The following TSPAN6 variants were observed in gnomAD, a reference collection of about 807,000 sequenced individuals.
TSPAN6 encodes tetraspanin-6.
In TSPAN6, 13 loss-of-function variants were observed where a neutral mutation model predicts 18.0. That is an observed-to-expected ratio of 0.72 (90% confidence interval 0.47 to 1.15). The LOEUF (loss-of-function observed/expected upper bound fraction) is 1.15. Among genes scored for constraint, TSPAN6 ranks in the 50% most tolerant of loss-of-function variants. TSPAN6 has a pLI of 0.00. For missense variants in TSPAN6, 186 were observed against 183.9 expected (o/e 1.01, Z -0.07); for synonymous variants, 82 against 67.0 (o/e 1.22, Z -1.09).
intron 1 of TSPAN6, 37 bp from the exon 2 acceptor site, chrX:100,635,783 C>G: frequency 3.8e-6 from 4 of 1,039,097 alleles, no homozygotes; most frequent in Non-Finnish European, 5.1e-6. Flanking sequence ...CAGTTACGCA[C>G]TGTGTACAGC....
chrX:100,633,616 G>T, intron 4 of TSPAN6, 77 bp from the exon 5 acceptor site: 1 of 983,825 alleles, frequency 1.0e-6, no homozygotes, highest in East Asian at 3.1e-5. Flanking sequence ...ATCCTCTATT[G>T]CAATTTGTGC....
chrX:100,632,599 A>G (rs1207390222), intron 5 of TSPAN6, 31 bp from the exon 6 acceptor site: 1 of 1,009,556 alleles, frequency 9.9e-7, no homozygotes, highest in Non-Finnish European at 1.4e-6. Context: ...AAGATTAAAT[A>G]CAGCACAAGC....
In TSPAN6 at chrX:100,635,178, C is replaced by A; in HGVS notation, c.351G>T (p.Glu117Asp). Residue 117 changes from glutamate to aspartate, a missense_variant and splice_region_variant, in exon 3 of 8, where the codon GAG becomes GAT. By Grantham distance (45) the Glu-to-Asp change is conservative. Transcript: ENST00000373020. ...CTAAGCTTCCCTAATTCAGGCTTACCTCATGTCTGAAAACAAATCCTACGA... is the reference window on the plus strand; with the variant it reads ...CTAAGCTTCCCTAATTCAGGCTTACATCATGTCTGAAAACAAATCCTACGA... ...AAIVGFVFRH[E>D]IKNSFKNNYE... 8.4e-7 allele frequency: 1 copy of A among 1,191,293 alleles called. No individual in the cohort carries two copies. Among genetic ancestry groups the A allele is most frequent in the East Asian group, 3.1e-5 (1 of 32,473 alleles).
intron 5 of TSPAN6, 112 bp downstream of exon 5, chrX:100,633,293 T>A (rs2147627984): frequency 1.3e-6 from 1 of 774,962 alleles, no homozygotes; most frequent in African/African-American, 2.1e-5. Context: ...CACTCCAGCC[T>A]GGGCGACAGA....
Position 100,627,695 on chromosome X carries a change from A to T in TSPAN6, c.*2331T>A, listed in dbSNP as rs2083033089. ...TTTTCTAACTGGCTATCCAAAATAA[A>T]CCCATCTTAAAAATAAACAAACCAA... On this transcript the variant is annotated 3_prime_UTR_variant, in exon 8 of 8. Coordinates refer to ENST00000373020, the MANE Select transcript of TSPAN6 (RefSeq NM_003270.4). 8.9e-6 allele frequency: 1 copy of T among 112,078 alleles called. No homozygotes were observed. The highest frequency in any genetic ancestry group is 9.5e-5 in the Admixed American group (1 of 10,562). 9.2% of individuals were successfully genotyped at this position (112,078 alleles called of 1,213,427 possible).
In TSPAN6 at chrX:100,629,840, T is replaced by C. The variant is rs143808656; in HGVS notation, c.*186A>G. ...AGCCCACTGCGAGCACGGATCTTGA[T>C]TGAATCAGCCTATTGGTGTAGTTTT... is the stretch of plus-strand genomic sequence containing the variant. On this transcript the variant is annotated 3_prime_UTR_variant, in exon 8 of 8. Coordinates refer to ENST00000373020, the MANE Select transcript of TSPAN6 (RefSeq NM_003270.4). 5.1e-3 allele frequency: 1,161 copies of C among 227,306 alleles called. 9 individuals are homozygous for C. The highest frequency in any genetic ancestry group is 6.4e-3 in the Non-Finnish European group (1,009 of 158,521). 18.7% of individuals were successfully genotyped at this position (227,306 alleles called of 1,213,427 possible).
At chrX:100,634,115 T>TG in intron 3 of TSPAN6, 86 bp from the exon 4 acceptor site, 1 of 567,558 alleles carries the variant, frequency 1.8e-6, no homozygotes, top group Admixed American at 2.8e-5. Flanking sequence ...ATCTGACCAA[T>TG]GGTCATATCT....
Position 100,630,961 on chromosome X carries a change from T to A in TSPAN6, c.670-95A>T, listed in dbSNP as rs2083055262. 1.8e-5 allele frequency: 12 copies of A among 675,007 alleles called. 1 individual carries two copies. Among genetic ancestry groups the A allele is most frequent in the African/African-American group, 1.7e-4 (8 of 45,847 alleles). 55.6% of individuals were successfully genotyped at this position (675,007 alleles called of 1,213,427 possible). On this transcript the variant is annotated intron_variant, in intron 6 of 7. Coordinates refer to ENST00000373020, the MANE Select transcript of TSPAN6 (RefSeq NM_003270.4). ...CTCTCACTTGTAATTCGCTTATAATTTTCGTCCTTGAGTTTTTCTAGAGTT... is the reference window on the plus strand; with the variant it reads ...CTCTCACTTGTAATTCGCTTATAATATTCGTCCTTGAGTTTTTCTAGAGTT...
rs959535042 is a variant in TSPAN6, at chrX:100,636,208, C to T, written c.87+400G>A. The T allele has an allele frequency of 2.4e-4, 188 of 795,552 alleles. 1 individual carries two copies. In the African/African-American group the frequency reaches 3.8e-3, roughly 16 times the overall value. The allele number at this position is 795,552 out of a possible 1,213,427, so 65.6% of individuals were successfully genotyped here. On this transcript the variant is annotated intron_variant, in intron 1 of 7. Transcript: ENST00000373020. The stretch of plus-strand genomic sequence containing the variant: ...ATACTTACCTGCGAAACACTCCTCT[C>T]TTACGAAGCAGTGAAAAGAAAGACA...
In TSPAN6 at chrX:100,628,817, T is replaced by C. The variant is rs767492786; in HGVS notation, c.*1209A>G. 8.9e-6 allele frequency: 1 copy of C among 112,324 alleles called. No individual in the cohort carries two copies. The highest frequency in any genetic ancestry group is 3.2e-5 in the African/African-American group (1 of 31,038). 9.3% of individuals were successfully genotyped at this position (112,324 alleles called of 1,213,427 possible). A position where few individuals can be genotyped will look rare whatever the true frequency, so the allele number is the denominator to read the frequency against. On this transcript the variant is annotated 3_prime_UTR_variant, in exon 8 of 8. Transcript: ENST00000373020. ...GTGCAGAATGTGCAGGTTTGTTACA[T>C]AGGTATACATGTGCCATGGTGGTTT...
In TSPAN6 at chrX:100,635,454, A is replaced by G. The variant is rs1602708597; in HGVS notation, c.276+104T>C. The G allele has an allele frequency of 6.1e-6, 5 of 820,010 alleles. No individual in the cohort carries two copies. In the East Asian group the frequency reaches 1.4e-4, roughly 22 times the overall value. 67.6% of individuals were successfully genotyped at this position (820,010 alleles called of 1,213,427 possible). A position where few individuals can be genotyped will look rare whatever the true frequency, so the allele number is the denominator to read the frequency against. ...TACTTGATAAGTTTCCATAAGGAAC[A>G]GGAAAAATTGTAAAGGGCCATGGCC... On this transcript the variant is annotated intron_variant, in intron 2 of 7. Coordinates refer to ENST00000373020, the MANE Select transcript of TSPAN6 (RefSeq NM_003270.4).
rs1156247808 is a variant in TSPAN6 at position 100,628,743 on chromosome X, A to G, written c.*1283T>C. On this transcript the variant is annotated 3_prime_UTR_variant, in exon 8 of 8. Transcript: ENST00000373020. ...TTTTCACAGAGAACAGTTTTTTTTA[A>G]TATTTGCACTTTAAGATTTTTTTGT... The G allele has an allele frequency of 1.8e-5, 2 of 112,058 alleles. No individual in the cohort carries two copies. The highest frequency in any genetic ancestry group is 3.8e-5 in the Non-Finnish European group (2 of 53,258). 9.2% of individuals were successfully genotyped at this position (112,058 alleles called of 1,213,427 possible).
intron 1 of TSPAN6, chrX:100,636,370 C>A (rs980858333): frequency 1.4e-5 from 14 of 971,907 alleles, no homozygotes; most frequent in Non-Finnish European, 1.8e-5. Flanking sequence ...GCTGGTACGT[C>A]TGGGTCCCAG....
At chrX:100,636,121 G>A in intron 1 of TSPAN6, 1 of 765,746 alleles carries the variant, frequency 1.3e-6, no homozygotes, top group Non-Finnish European at 1.6e-6. Flanking sequence ...TGGGCACAGG[G>A]TACAAAGGAC....
chrX:100,632,446 G>A, intron 6 of TSPAN6, 39 bp downstream of exon 6: 2 of 1,024,564 alleles, frequency 2.0e-6, no homozygotes, highest in South Asian at 4.0e-5. Context: ...ACACCTACAA[G>A]AGGGATGAAA....
At chrX:100,632,714 T>C in intron 5 of TSPAN6, 146 bp from the exon 6 acceptor site, 1 of 441,118 alleles carries the variant, frequency 2.3e-6, no homozygotes, top group Non-Finnish European at 4.0e-6. Flanking sequence ...TGCAGAAAGA[T>C]GTATGTATCA....
At chrX:100,636,270 GCCTT>G in intron 1 of TSPAN6, 1 of 841,291 alleles carries the variant, frequency 1.2e-6, no homozygotes, top group Non-Finnish European at 1.4e-6. Context: ...GGCCGGGCAA[GCCTT>G]GCTTGCCTTT....
intron 3 of TSPAN6, 41 bp downstream of exon 3, chrX:100,635,137 G>A (rs2083085484): frequency 3.0e-6 from 3 of 1,016,406 alleles, no homozygotes; most frequent in Non-Finnish European, 4.1e-6. Context: ...ATCTCTCAGA[G>A]GATAAATGTA....
At chrX:100,630,726 C>G in intron 7 of TSPAN6, 33 bp downstream of exon 7, 1 of 1,049,184 alleles carries the variant, frequency 9.5e-7, no homozygotes, top group Non-Finnish European at 1.3e-6. Context: ...TAAATATCAA[C>G]ACTAACAGAG....
Sources: gnomAD v4.1 joint callset for allele counts on GRCh38, gnomAD v4.1.1 for gene constraint, MANE v1.5 for transcripts, NCBI Gene and HGNC (gene_info 2026-07-23, HGNC 2026-07-21) for gene names.